Variants in ATAD2B observed in about 807,000 individuals in gnomAD.
The protein encoded by ATAD2B is ATPase family AAA domain containing 2B.
ATAD2B carries 40 observed loss-of-function variants against 167.6 expected under a neutral mutation model. That is an observed-to-expected ratio of 0.24 (90% CI 0.19 to 0.31). The LOEUF (loss-of-function observed/expected upper bound fraction) is 0.31, where lower values mean the gene tolerates loss of function less well. ATAD2B is among the 10% of genes least tolerant of loss of function. The pLI is 1.00. For missense variants in ATAD2B, 1,242 were observed against 1,757.2 expected, an observed-to-expected ratio of 0.71 and a Z score of 5.24; for synonymous variants, 579 against 596.5, an observed-to-expected ratio of 0.97 and a Z score of 0.43.
chr2:23,905,318 G>C (rs1028792809), intron 1 of ATAD2B, among the ~76,000 whole-genome samples: 4 of 152,242 alleles, frequency 2.6e-5, no homozygotes, highest in Middle Eastern at 3.4e-3. Context: ...ATGAGTTCAA[G>C]AACAGCCTGG....
chr2:23,791,060 G>A (rs1681616141), intron 19 of ATAD2B, among the ~76,000 whole-genome samples: 1 of 152,186 alleles, frequency 6.6e-6, no homozygotes, highest in Admixed American at 6.5e-5. Flanking sequence ...ACAACTGACA[G>A]TCTTTTATGC....
the ATAD2B span, among the ~76,000 whole-genome samples, chr2:23,737,656 G>A: frequency 1.3e-5 from 2 of 152,196 alleles, no homozygotes; most frequent in Non-Finnish European, 2.9e-5. Context: ...CTCCTCCAAA[G>A]GAACGCAGCT....
intron 19 of ATAD2B, among the ~76,000 whole-genome samples, chr2:23,795,021 T>C (rs1558543754): frequency 6.6e-6 from 1 of 152,184 alleles, no homozygotes; most frequent in Non-Finnish European, 1.5e-5. Flanking sequence ...ACACTAATCA[T>C]GGAAGGACTA....
chr2:23,851,533 G>A (rs1035251991), intron 13 of ATAD2B, among the ~76,000 whole-genome samples: 4 of 152,122 alleles, frequency 2.6e-5, no homozygotes, highest in African/African-American at 9.7e-5. Flanking sequence ...TACGTCCCCC[G>A]CCTGCCCCTT....
chr2:23,681,550 C>G, the ATAD2B span, among the ~76,000 whole-genome samples: 1 of 152,296 alleles, frequency 6.6e-6, no homozygotes, highest in Admixed American at 6.5e-5. The surrounding 1 kb of genome is among the most constrained non-coding windows in gnomAD (Gnocchi z 4.2). Context: ...GGCCCCTAAG[C>G]ACTGATTAAC....
At chr2:23,850,062 G>C (rs1692316195) in intron 13 of ATAD2B, among the ~76,000 whole-genome samples, 1 of 148,902 alleles carries the variant, frequency 6.7e-6, no homozygotes, top group South Asian at 2.1e-4. Flanking sequence ...AGAATGGCCT[G>C]AACCCGAGAG....
intron 22 of ATAD2B, among the ~76,000 whole-genome samples, chr2:23,781,099 C>T (rs1178919581): frequency 6.6e-6 from 1 of 150,890 alleles, no homozygotes; most frequent in African/African-American, 2.4e-5. Flanking sequence ...TAGGCCTCGG[C>T]GTACTACAAT....
the ATAD2B span, among the ~76,000 whole-genome samples, chr2:23,740,080 C>A: frequency 6.6e-6 from 1 of 152,044 alleles, no homozygotes; most frequent in African/African-American, 2.4e-5. Context: ...ACCAAAAAAA[C>A]TCCAGGACCA....
At chr2:23,711,342 CTTTTTTTTTTT>C in the ATAD2B span, among the ~76,000 whole-genome samples, 3,815 of 79,688 alleles carry the variant, frequency 0.048, 404 homozygotes, top group South Asian at 0.073. Context: ...GAATTTCTTT[CTTTTTTTTTTT>C]TTTTTTTTTT....
chr2:23,840,299 C>A (rs1354945462), intron 13 of ATAD2B, among the ~76,000 whole-genome samples: 1 of 152,066 alleles, frequency 6.6e-6, no homozygotes, highest in Non-Finnish European at 1.5e-5. Flanking sequence ...CTAAAAAAAC[C>A]AAAACATTAC....
intron 17 of ATAD2B, among the ~76,000 whole-genome samples, chr2:23,813,312 T>C (rs1685912091): frequency 6.7e-6 from 1 of 148,600 alleles, no homozygotes; most frequent in Non-Finnish European, 1.5e-5. Context: ...ATAAATTATG[T>C]TGTTATTTTA....
the ATAD2B span, among the ~76,000 whole-genome samples, chr2:23,739,121 G>A: frequency 6.6e-6 from 1 of 152,144 alleles, no homozygotes; most frequent in Admixed American, 6.5e-5. Context: ...ACACCCCACT[G>A]TCAACATTAG....
At chr2:23,730,261 G>A in the ATAD2B span, among the ~76,000 whole-genome samples, 1 of 152,122 alleles carries the variant, frequency 6.6e-6, no homozygotes. Flanking sequence ...CACAAAATCT[G>A]AGAAATCCCA....
At chr2:23,905,887 C>T (rs932683039) in intron 1 of ATAD2B, among the ~76,000 whole-genome samples, 1 of 152,056 alleles carries the variant, frequency 6.6e-6, no homozygotes, top group East Asian at 1.9e-4. Context: ...AAATTTAACT[C>T]CTTAAATTAG....
the ATAD2B span, among the ~76,000 whole-genome samples, chr2:23,724,733 A>G: frequency 6.6e-6 from 1 of 151,720 alleles, no homozygotes; most frequent in Non-Finnish European, 1.5e-5. Flanking sequence ...ATCAAGACAG[A>G]AAAAAAAATC....
intron 1 of ATAD2B, among the ~76,000 whole-genome samples, chr2:23,924,571 G>T (rs554612273): frequency 6.6e-6 from 1 of 152,042 alleles, no homozygotes; most frequent in East Asian, 1.9e-4. Context: ...GAGTAGTTAC[G>T]TCTCTAAAAA....
intron 15 of ATAD2B, among the ~76,000 whole-genome samples, chr2:23,825,765 G>A (rs1688154308): frequency 7.7e-6 from 1 of 130,540 alleles, no homozygotes; most frequent in African/African-American, 2.8e-5. Context: ...AAAAGCCTAA[G>A]TTTAAAAAAA....
At chr2:23,681,363 T>C in the ATAD2B span, among the ~76,000 whole-genome samples, 1,101 of 152,294 alleles carry the variant, frequency 7.2e-3, 18 homozygotes, top group African/African-American at 0.025. The surrounding 1 kb of genome is among the most constrained non-coding windows in gnomAD (Gnocchi z 4.2). Context: ...CACCTGAACC[T>C]CCAAGCGCCT....
At chr2:23,838,212 G>T (rs547701947) in intron 13 of ATAD2B, among the ~76,000 whole-genome samples, 1 of 152,210 alleles carries the variant, frequency 6.6e-6, no homozygotes, top group Non-Finnish European at 1.5e-5. Flanking sequence ...AGTGACCTAG[G>T]TTTCTCATTC....
Sources: gnomAD v4.1 joint callset for allele counts (sites outside exome capture counted in the v4.1 genomes callset) on GRCh38, gnomAD v4.1.1 for gene constraint, Gnocchi (gnomAD v3.1) non-coding constraint, MANE v1.5 for transcripts, NCBI Gene and HGNC (gene_info 2026-07-23, HGNC 2026-07-21) for gene names.